CHRM5: variants seen among roughly 807,000 people sequenced by gnomAD.
CHRM5 encodes muscarinic acetylcholine receptor M5.
A neutral mutation model predicts 39.0 loss-of-function variants in CHRM5; 18 were observed. The ratio of observed to expected loss-of-function variants is 0.46; its 90% CI spans 0.32 to 0.68. The LOEUF (loss-of-function observed/expected upper bound fraction) is 0.68. Ranked by LOEUF, CHRM5 falls within the 30% of genes least tolerant of loss-of-function variation. The probability of loss-of-function intolerance (pLI) is 0.04; values close to 1 mark genes in which losing one functional copy is unlikely to be tolerated. For missense variants in CHRM5, 515 were observed against 651.1 expected (o/e 0.79, Z 2.28); for synonymous variants, 241 against 246.3 (o/e 0.98, Z 0.20).
chr15:34,052,192 C>T (rs1217068992), intron 2 of CHRM5, among the ~76,000 whole-genome samples: 1 of 151,920 alleles, frequency 6.6e-6, no homozygotes, highest in African/African-American at 2.4e-5. Flanking sequence ...GTTGGTTCAA[C>T]ATATGCAAAT....
intron 1 of CHRM5, among the ~76,000 whole-genome samples, chr15:33,981,294 G>A (rs1212614915): frequency 6.6e-6 from 1 of 152,124 alleles, no homozygotes; most frequent in Non-Finnish European, 1.5e-5. Flanking sequence ...TGAGTTATTA[G>A]CAGTCAAGAA....
intron 1 of CHRM5, among the ~76,000 whole-genome samples, chr15:33,978,005 G>A (rs1264519302): frequency 1.5e-5 from 2 of 136,514 alleles, no homozygotes; most frequent in African/African-American, 5.3e-5. Flanking sequence ...AGGAAGAGAG[G>A]AAGGGAGGGA....
chr15:34,017,485 T>TTTTG (rs1001107171), intron 1 of CHRM5, among the ~76,000 whole-genome samples: 11 of 24,400 alleles, frequency 4.5e-4, no homozygotes, highest in South Asian at 1.8e-3. Flanking sequence ...TTTTTTTTTG[T>TTTTG]TTTTTTTTTT....
rs184963356 is a variant in CHRM5 at position 34,014,146 on chromosome 15, T to C, written c.-407-32394T>C. Among the ~76,000 whole-genome samples, 31 of 152,162 alleles carry C rather than the reference T, an allele frequency of 2.0e-4. No individual in the cohort carries two copies. The East Asian group carries it at 5.8e-3, about 29-fold the overall frequency. The stretch of plus-strand genomic sequence containing the variant: ...GGGAGGCCAACATGGGCGGATCACC[T>C]GAGGTCAGGAATTTGAGACCAGCCT... On this transcript the variant is annotated intron_variant, in intron 1 of 2. Coordinates refer to ENST00000383263, the MANE Select transcript of CHRM5 (RefSeq NM_012125.4).
chr15:33,998,131 G>A (rs1311196868), intron 1 of CHRM5, among the ~76,000 whole-genome samples: 1 of 151,826 alleles, frequency 6.6e-6, no homozygotes, highest in Non-Finnish European at 1.5e-5. Context: ...CATATATTCT[G>A]CCTTTCCTCC....
intron 1 of CHRM5, among the ~76,000 whole-genome samples, chr15:33,984,670 C>T (rs1283312860): frequency 6.6e-6 from 1 of 152,072 alleles, no homozygotes; most frequent in Non-Finnish European, 1.5e-5. Flanking sequence ...CCAAAGTGCT[C>T]GGATTACAGG....
At chr15:34,020,070 G>A (rs1339098883) in intron 1 of CHRM5, among the ~76,000 whole-genome samples, 5 of 152,184 alleles carry the variant, frequency 3.3e-5, no homozygotes. Flanking sequence ...CCAGCACTTT[G>A]GGAGGCCAAG....
intron 1 of CHRM5, among the ~76,000 whole-genome samples, chr15:33,977,502 T>A (rs1297383199): frequency 6.6e-6 from 1 of 152,210 alleles, no homozygotes; most frequent in African/African-American, 2.4e-5. Context: ...GACAGCGTGC[T>A]TTGATTCAGG....
chr15:34,060,009 G>A (rs781143992), intron 2 of CHRM5, among the ~76,000 whole-genome samples: 7 of 152,178 alleles, frequency 4.6e-5, no homozygotes, highest in Non-Finnish European at 1.0e-4. Flanking sequence ...AAAGAATAAA[G>A]GAGAAAGCGA....
intron 1 of CHRM5, chr15:34,038,657 C>T: frequency 1.1e-6 from 1 of 950,178 alleles, no homozygotes; most frequent in South Asian, 5.1e-5. Context: ...CCCGCGCAGG[C>T]GCCGGCGCCG....
At chr15:34,000,684 G>A (rs939223459) in intron 1 of CHRM5, among the ~76,000 whole-genome samples, 2 of 152,084 alleles carry the variant, frequency 1.3e-5, no homozygotes, top group Non-Finnish European at 2.9e-5. Context: ...TTGACCTCTC[G>A]AAAGTAAACC....
chr15:34,041,006 C>T (rs768026094), intron 1 of CHRM5, among the ~76,000 whole-genome samples: 3 of 151,912 alleles, frequency 2.0e-5, no homozygotes, highest in Non-Finnish European at 4.4e-5. Context: ...ACCAGCATAT[C>T]ACTGGTCTGG....
At chr15:34,013,601 C>T (rs1292411554) in intron 1 of CHRM5, among the ~76,000 whole-genome samples, 1 of 152,182 alleles carries the variant, frequency 6.6e-6, no homozygotes, top group Non-Finnish European at 1.5e-5. Flanking sequence ...AATACAAAGA[C>T]CAATAAGCCA....
chr15:34,029,672 T>C (rs560398963), intron 1 of CHRM5, among the ~76,000 whole-genome samples: 35 of 151,854 alleles, frequency 2.3e-4, no homozygotes, highest in Admixed American at 2.3e-3. Context: ...CAAGGGAAAA[T>C]AGGAAGCCAA....
chr15:34,019,670 T>C (rs1354223913), intron 1 of CHRM5, among the ~76,000 whole-genome samples: 1 of 152,218 alleles, frequency 6.6e-6, no homozygotes, highest in African/African-American at 2.4e-5. Context: ...GACACACAAA[T>C]ACTTACCATT....
intron 2 of CHRM5, among the ~76,000 whole-genome samples, chr15:34,049,069 C>G (rs1201096147): frequency 6.6e-6 from 1 of 152,162 alleles, no homozygotes; most frequent in African/African-American, 2.4e-5. Flanking sequence ...CCTCAAAGCT[C>G]AAAGGTAGAT....
At chr15:34,018,176 T>A in intron 1 of CHRM5, 1 of 152,266 alleles carries the variant, frequency 6.6e-6, no homozygotes, top group East Asian at 1.9e-4. Context: ...GAAGGCATTG[T>A]TACATAGGAG....
chr15:33,985,071 G>A (rs904015411), intron 1 of CHRM5, among the ~76,000 whole-genome samples: 1 of 151,998 alleles, frequency 6.6e-6, no homozygotes, highest in African/African-American at 2.4e-5. Context: ...CTGTCACACT[G>A]AACTGTATTT....
chr15:33,985,410 T>G (rs76946977), intron 1 of CHRM5, among the ~76,000 whole-genome samples: 10,689 of 149,622 alleles, frequency 0.071, 523 homozygotes, highest in South Asian at 0.2. Flanking sequence ...CTGAGCTGAG[T>G]GCATGCCCTC....
Sources: gnomAD v4.1 joint callset for allele counts (sites outside exome capture counted in the v4.1 genomes callset) on GRCh38, gnomAD v4.1.1 for gene constraint, MANE v1.5 for transcripts, NCBI Gene and HGNC (gene_info 2026-07-23, HGNC 2026-07-21) for gene names.